CUBN: variants seen among roughly 807,000 people sequenced by gnomAD.
CUBN encodes the protein cubilin.
CUBN carries 282 observed loss-of-function variants against 405.3 expected under a neutral mutation model. The observed-to-expected ratio is 0.70, with a 90% CI of 0.63 to 0.77. CUBN has a LOEUF of 0.77. Ranked by LOEUF, CUBN falls within the 30% of genes least tolerant of loss-of-function variation. CUBN has a pLI of 0.00. For missense variants in CUBN, 4,514 were observed against 4,475.2 expected (o/e 1.01, Z -0.25); for synonymous variants, 1,684 against 1,617.0 (o/e 1.04, Z -0.99).
chr10:16,996,888 T>C (rs148867066), intron 28 of CUBN, among the ~76,000 whole-genome samples: 151 of 152,260 alleles, frequency 9.9e-4, no homozygotes, highest in African/African-American at 3.0e-3. Flanking sequence ...CCTCCCACCC[T>C]TATCCCTTCA....
intron 22 of CUBN, among the ~76,000 whole-genome samples, chr10:17,051,009 G>A (rs533335570): frequency 6.6e-6 from 1 of 151,944 alleles, no homozygotes; most frequent in East Asian, 1.9e-4. Context: ...CCCATATCAT[G>A]TCCCAATCTA....
At chr10:16,942,071 T>C (rs1301695707) in intron 36 of CUBN, among the ~76,000 whole-genome samples, 1 of 152,166 alleles carries the variant, frequency 6.6e-6, no homozygotes, top group Non-Finnish European at 1.5e-5. Context: ...GTACTCTGCA[T>C]GATTAGTCAT....
Position 16,836,315 on chromosome 10 carries a change from G to C in CUBN, c.10100C>G (p.Ser3367Cys). Residue 3367 changes from serine to cysteine, a missense_variant, in exon 63 of 67, where the codon TCT (serine) becomes TGT (cysteine). Ser to Cys is a moderately radical substitution (Grantham distance 112, BLOSUM62 -1). Coordinates refer to ENST00000377833, the MANE Select transcript of CUBN (RefSeq NM_001081.4). ...NASAVPVFYS[S>C]MSTAMVIFKS... ...GAAAATGACCATTGCAGTACTCATA[G>C]AAGAATAAAACACTGGCACAGCCGA... is the stretch of plus-strand genomic sequence containing the variant. 1 of 1,613,482 alleles carries C rather than the reference G, an allele frequency of 6.2e-7. No homozygotes were observed. Among genetic ancestry groups the C allele is most frequent in the South Asian group, 1.1e-5 (1 of 91,084 alleles).
intron 47 of CUBN, 124 bp from the exon 48 acceptor site, chr10:16,914,116 A>C (rs1455679734): frequency 3.0e-6 from 3 of 999,926 alleles, no homozygotes; most frequent in East Asian, 5.2e-5. Flanking sequence ...CTCCATATTT[A>C]TTTATGTGCA....
intron 13 of CUBN, 78 bp from the exon 14 acceptor site, chr10:17,100,317 C>T (rs1011561187): frequency 9.4e-6 from 9 of 957,282 alleles, no homozygotes; most frequent in Non-Finnish European, 1.5e-5. Context: ...TCCTAGGCAG[C>T]ATTCATACTG....
At chr10:17,022,939 T>C (rs1166467095) in intron 27 of CUBN, among the ~76,000 whole-genome samples, 1 of 152,196 alleles carries the variant, frequency 6.6e-6, no homozygotes, top group Non-Finnish European at 1.5e-5. Context: ...TCCATAACTA[T>C]AATCACCCTA....
chr10:16,852,175 C>CT (rs1839729458), intron 59 of CUBN, among the ~76,000 whole-genome samples: 1 of 121,148 alleles, frequency 8.3e-6, no homozygotes, highest in African/African-American at 3.3e-5. Flanking sequence ...CTCCCTCTAT[C>CT]TTTCCCTCCC....
intron 14 of CUBN, among the ~76,000 whole-genome samples, chr10:17,092,546 C>G (rs1457454130): frequency 2.0e-5 from 3 of 152,134 alleles, no homozygotes; most frequent in African/African-American, 7.2e-5. Flanking sequence ...AGAAGGCAGT[C>G]AAACACCACC....
At position 17,028,711 on chromosome 10, in the gene CUBN, ACT is replaced by A. The variant is rs545101356; in HGVS notation, c.4018-8730_4018-8729del. On this transcript the variant is annotated intron_variant, in intron 27 of 66. Transcript: ENST00000377833. ...ACTCAAGCCTGGGCAACAGAGTGAGACTCTGTCTCAAAAAAAAAAAGAAAGAA... is the reference window on the plus strand; with the variant it reads ...ACTCAAGCCTGGGCAACAGAGTGAGACTGTCTCAAAAAAAAAAAGAAAGAA... 6.4e-3 allele frequency among the ~76,000 whole-genome samples: 959 copies of A among 151,006 alleles called. 3 individuals are homozygous for A. The highest frequency in any genetic ancestry group is 0.011 in the Non-Finnish European group (738 of 67,760).
intron 55 of CUBN, among the ~76,000 whole-genome samples, chr10:16,889,942 A>AAAAAAAAAAAAAAAAAAAACAAAC (rs1554788548): frequency 2.2e-5 from 3 of 136,220 alleles, no homozygotes; most frequent in African/African-American, 8.8e-5. Context: ...TGTCAAAAAA[A>AAAAAAAAAAAAAAAAAAAACAAAC]AAAAAAAAAA....
chr10:16,871,317 G>A (rs1400493787), intron 58 of CUBN, among the ~76,000 whole-genome samples: 3 of 151,542 alleles, frequency 2.0e-5, no homozygotes, highest in Non-Finnish European at 4.4e-5. Flanking sequence ...TGGGATTACA[G>A]GCATGGGACA....
At chr10:17,000,850 A>G (rs1202293329) in intron 28 of CUBN, among the ~76,000 whole-genome samples, 1 of 152,208 alleles carries the variant, frequency 6.6e-6, no homozygotes, top group African/African-American at 2.4e-5. Context: ...CTCATTTAAG[A>G]AAATTATTGG....
At chr10:16,908,839 G>A (rs1279440360) in intron 48 of CUBN, among the ~76,000 whole-genome samples, 5 of 151,584 alleles carry the variant, frequency 3.3e-5, no homozygotes, top group Non-Finnish European at 7.4e-5. Context: ...TTATGCAGAA[G>A]GAGAATGCAC....
chr10:16,959,868 T>C (rs955721491), intron 31 of CUBN, among the ~76,000 whole-genome samples: 2 of 152,206 alleles, frequency 1.3e-5, no homozygotes, highest in Non-Finnish European at 2.9e-5. Context: ...AATTCTTACT[T>C]AAGTCTACTG....
chr10:17,126,218 G>A (rs983918539), intron 4 of CUBN, among the ~76,000 whole-genome samples: 1 of 152,198 alleles, frequency 6.6e-6, no homozygotes, highest in Non-Finnish European at 1.5e-5. Flanking sequence ...TAAAAGGTCA[G>A]CTTCCTACAA....
Position 17,084,470 on chromosome 10 carries a change from A to G in CUBN, c.2111-9T>C. 5 of 1,612,038 alleles carry G rather than the reference A, an allele frequency of 3.1e-6. 1 individual carries two copies. In the South Asian group the frequency reaches 4.4e-5, roughly 14 times the overall value. On this transcript the variant is annotated splice_polypyrimidine_tract_variant and intron_variant, in intron 16 of 66. Coordinates refer to ENST00000377833, the MANE Select transcript of CUBN (RefSeq NM_001081.4). ...ACCACAACGCAGATCCGCTAAGAACAGGGAAGAGACGAACAGGTCATGGCA... is the reference window on the plus strand; with the variant it reads ...ACCACAACGCAGATCCGCTAAGAACGGGGAAGAGACGAACAGGTCATGGCA...
At chr10:16,862,593 C>A (rs910166026) in intron 59 of CUBN, among the ~76,000 whole-genome samples, 2 of 152,124 alleles carry the variant, frequency 1.3e-5, no homozygotes, top group African/African-American at 2.4e-5. Context: ...GAGAAGAACA[C>A]GGTCCCACTA....
chr10:16,855,498 T>C (rs1392701519), intron 59 of CUBN, among the ~76,000 whole-genome samples: 1 of 152,130 alleles, frequency 6.6e-6, no homozygotes, highest in Non-Finnish European at 1.5e-5. Flanking sequence ...AAAGAAAAAG[T>C]GGATTCATGT....
rs781525996 is a variant in CUBN, at chr10:16,900,604, TG to T, written c.8410+20del. 2 of 1,556,268 alleles carry T rather than the reference TG, an allele frequency of 1.3e-6. No homozygotes were observed. The highest frequency in any genetic ancestry group is 1.8e-6 in the Non-Finnish European group (2 of 1,127,122). ...ATACATCACTAAAAAGAAAATCAAA[TG>T]GAGCAAACATTTCTTTTACCTAAAG... is the stretch of plus-strand genomic sequence containing the variant. On this transcript the variant is annotated intron_variant, in intron 53 of 66. Coordinates refer to ENST00000377833, the MANE Select transcript of CUBN (RefSeq NM_001081.4).
Sources: gnomAD v4.1 joint callset for allele counts (sites outside exome capture counted in the v4.1 genomes callset) on GRCh38, gnomAD v4.1.1 for gene constraint, MANE v1.5 for transcripts, NCBI Gene and HGNC (gene_info 2026-07-23, HGNC 2026-07-21) for gene names.